Variants in APBB1 observed in about 807,000 individuals in gnomAD.
The protein encoded by APBB1 is amyloid beta precursor protein binding family B member 1.
Under a neutral mutation model 78.4 loss-of-function variants are expected in APBB1, and 22 were observed. The ratio of observed to expected loss-of-function variants is 0.28; its 90% CI spans 0.20 to 0.40. The LOEUF (loss-of-function observed/expected upper bound fraction) is 0.40, where lower values mean the gene tolerates loss of function less well. Among genes scored for constraint, APBB1 ranks in the 10% least tolerant of loss-of-function variants. APBB1 has a pLI of 1.00. For missense variants in APBB1, 749 were observed against 932.4 expected (o/e 0.80, Z 2.56); for synonymous variants, 369 against 372.7 (o/e 0.99, Z 0.12).
At chr11:6,406,736 C>A (rs1198368784) in intron 2 of APBB1, among the ~76,000 whole-genome samples, 2 of 152,120 alleles carry the variant, frequency 1.3e-5, no homozygotes, top group Non-Finnish European at 2.9e-5. Flanking sequence ...TATCACCTAC[C>A]TCTCCTTCAG....
At chr11:6,419,265 C>T (rs1326228632), upstream of APBB1, 1 of 286,074 alleles carries the variant, frequency 3.5e-6, no homozygotes, top group Non-Finnish European at 6.5e-6. Context: ...TCCAGCCCTC[C>T]CAGCAGACAC....
Position 6,411,735 on chromosome 11 carries a change from C to T in APBB1, c.-14-374G>A, listed in dbSNP as rs1168641152. ...TGCCAGGAACACCACTAGAGTGGGA[C>T]CGGCTCGTGTGTTTTGGACACTGAT... On this transcript the variant is annotated intron_variant, in intron 1 of 14. Coordinates refer to ENST00000609360, the MANE Select transcript of APBB1 (RefSeq NM_001164.5). This position sits in a 1 kb window ranked among gnomAD's most constrained non-coding sequence, Gnocchi z 5.2. 2.0e-5 allele frequency among the ~76,000 whole-genome samples: 3 copies of T among 152,202 alleles called. No homozygotes were observed. Among genetic ancestry groups the T allele is most frequent in the African/African-American group, 7.2e-5 (3 of 41,462 alleles).
intron 12 of APBB1, among the ~76,000 whole-genome samples, chr11:6,396,984 A>G (rs572552701): frequency 2.6e-5 from 4 of 152,370 alleles, no homozygotes; most frequent in South Asian, 2.1e-4. Flanking sequence ...AGATCAATCA[A>G]CTTTCCCTTA....
At chr11:6,404,708 C>T in intron 2 of APBB1, 1 of 1,536,150 alleles carries the variant, frequency 6.5e-7, no homozygotes, top group Non-Finnish European at 8.7e-7. Context: ...CTGTCAGCCC[C>T]ACCCCACATG....
At chr11:6,417,340 A>C (rs755191863) in intron 1 of APBB1, among the ~76,000 whole-genome samples, 1 of 152,142 alleles carries the variant, frequency 6.6e-6, no homozygotes, top group Non-Finnish European at 1.5e-5. Flanking sequence ...CCCCGAGACC[A>C]GTTTAGCTAC....
chr11:6,401,189 T>C lies in APBB1; in HGVS notation c.1589-117A>G. 1 of 1,611,900 alleles carries C rather than the reference T, an allele frequency of 6.2e-7. No homozygotes were observed. The highest frequency in any genetic ancestry group is 8.5e-7 in the Non-Finnish European group (1 of 1,178,856). ...GAGGCCCTACTTTCATCTCGTCCCC[T>C]GCCTCCCTTTAACCGGAGTCCCTCC... On this transcript the variant is annotated intron_variant, in intron 11 of 14. Transcript: ENST00000609360. This position sits in a 1 kb window ranked among gnomAD's most constrained non-coding sequence, Gnocchi z 4.5.
rs1468696244 is a variant in APBB1, at chr11:6,419,090, G to A, written c.-120C>T. On this transcript the variant is annotated 5_prime_UTR_variant, in exon 1 of 15. Coordinates refer to ENST00000609360, the MANE Select transcript of APBB1 (RefSeq NM_001164.5). ...CAACATCCCCCGCCCAGGAGCGCGC[G>A]GGCCGCGGGGCCGCGCCCCGAGCGG... The A allele has an allele frequency of 1.0e-5, 4 of 383,048 alleles. No individual in the cohort carries two copies. The highest frequency in any genetic ancestry group is 1.9e-5 in the Non-Finnish European group (4 of 216,102). The allele number at this position is 383,048 out of a possible 1,614,324, so 23.7% of individuals were successfully genotyped here.
Position 6,410,948 on chromosome 11 carries a change from C to T in APBB1, c.400G>A (p.Gly134Arg). Residue 134 changes from glycine (G) to arginine (R), a missense_variant, in exon 2 of 15, where the codon GGA becomes AGA. By Grantham distance (125) the Gly-to-Arg change is moderately radical. Transcript: ENST00000609360. ...AHNAANRGLR[G>R]PGLIISTQEQ... is the part of the protein sequence containing the mutation. Reference sequence around the variant, plus strand: ...TGAGTGCTGATGATCAGGCCAGGTCCTCGTAGGCCTCGGTTGGCTGCGTTG... The same window carrying T: ...TGAGTGCTGATGATCAGGCCAGGTCTTCGTAGGCCTCGGTTGGCTGCGTTG... The T allele has an allele frequency of 3.1e-6, 5 of 1,614,198 alleles. No homozygotes were observed. Among genetic ancestry groups the T allele is most frequent in the Non-Finnish European group, 4.2e-6 (5 of 1,180,044 alleles).
upstream of APBB1, chr11:6,419,097 G>C (rs1432133718): frequency 5.2e-6 from 2 of 382,454 alleles, no homozygotes; most frequent in Middle Eastern, 6.7e-4. Context: ...CGCGGGCCGC[G>C]GGGCCGCGCC....
At chr11:6,418,802 A>G (rs1223942057) in intron 1 of APBB1, among the ~76,000 whole-genome samples, 183 bp downstream of exon 1, 2 of 152,084 alleles carry the variant, frequency 1.3e-5, no homozygotes, top group East Asian at 1.9e-4. Flanking sequence ...GCCCGAGTGG[A>G]CCCTGCGATG....
intron 12 of APBB1, among the ~76,000 whole-genome samples, chr11:6,397,322 C>T (rs886500673): frequency 6.6e-6 from 1 of 152,264 alleles, no homozygotes; most frequent in Non-Finnish European, 1.5e-5. Context: ...CCTTGCTCAT[C>T]TGACTTCTAG....
Position 6,402,643 on chromosome 11 carries a change from T to C in APBB1, c.1187A>G (p.Asn396Ser), listed in dbSNP as rs1800425. The change falls in exon 7 of 15, where the codon AAT becomes AGT. Residue 396 changes from asparagine (N) to serine (S), a missense_variant. Transcript: ENST00000609360. ...APGRSSVAVN[N>S]CIRQLSYHKN... ...GTGGTAAGAGAGCTGACGGATGCAA[T>C]TGTTGACTGCCACACTGCTGCGTCC... The C allele has an allele frequency of 2.5e-3, 4,036 of 1,613,850 alleles. 7 individuals are homozygous for C. The highest frequency in any genetic ancestry group is 3.3e-3 in the Non-Finnish European group (3,855 of 1,179,972).
At position 6,416,052 on chromosome 11, in the gene APBB1, C is replaced by T. The variant is rs144948986; in HGVS notation, c.-15+2933G>A. 9.8e-5 allele frequency among the ~76,000 whole-genome samples: 15 copies of T among 152,304 alleles called. No homozygotes were observed. In the East Asian group the frequency reaches 2.9e-3, roughly 29 times the overall value. On this transcript the variant is annotated intron_variant, in intron 1 of 14. Coordinates refer to ENST00000609360, the MANE Select transcript of APBB1 (RefSeq NM_001164.5). ...TTCCACTCCCAACACGACTCAGTAA[C>T]AGCTCCTACCAAGGTCAACATGACC...
chr11:6,396,270 C>T lies in APBB1; in HGVS notation c.1673-55G>A. ...AGGGTAGACAGAGGATACCCCAGCT[C>T]TACCCTGGACCTCTAGTTCCACCCA... On this transcript the variant is annotated intron_variant, in intron 12 of 14. Coordinates refer to ENST00000609360, the MANE Select transcript of APBB1 (RefSeq NM_001164.5). 4 of 1,434,210 alleles carry T rather than the reference C, an allele frequency of 2.8e-6. No individual in the cohort carries two copies. The Admixed American group carries it at 9.0e-5, about 32-fold the overall frequency. The allele number at this position is 1,434,210 out of a possible 1,614,324, so 88.8% of individuals were successfully genotyped here. A position where few individuals can be genotyped will look rare whatever the true frequency, so the allele number is the denominator to read the frequency against.
chr11:6,405,201 G>T (rs1430691289), intron 2 of APBB1: 5 of 1,103,482 alleles, frequency 4.5e-6, no homozygotes, highest in Non-Finnish European at 5.5e-6. Context: ...TACCCCAGCT[G>T]CCTGGGGCCC....
chr11:6,404,865 G>A, intron 2 of APBB1: 2 of 1,528,476 alleles, frequency 1.3e-6, no homozygotes, highest in Middle Eastern at 2.0e-4. Context: ...AGCCAGCTGG[G>A]CTCACAGCCT....
Position 6,401,914 on chromosome 11 carries a change from G to T in APBB1, c.1388+63C>A. On this transcript the variant is annotated intron_variant, in intron 9 of 14. Coordinates refer to ENST00000609360, the MANE Select transcript of APBB1 (RefSeq NM_001164.5). The surrounding 1 kb of genome is among the most constrained non-coding windows in gnomAD (Gnocchi z 4.5). ...GGGTGGGAAGGGGCAGGGCAGAAGA[G>T]GGGAGCTTGGGTGCTTCCAGGCATC... 1.3e-6 allele frequency: 2 copies of T among 1,550,582 alleles called. No homozygotes were observed. The highest frequency in any genetic ancestry group is 3.5e-5 in the Admixed American group (2 of 56,602).
rs746870513 is a variant in APBB1 at position 6,401,359 on chromosome 11, T to A, written c.1574A>T (p.Asp525Val). Residue 525 changes from aspartate to valine, a missense_variant, in exon 11 of 15, where the codon GAT (aspartate) becomes GTT (valine). Transcript: ENST00000609360. The surrounding 1 kb of genome is among the most constrained non-coding windows in gnomAD (Gnocchi z 4.5). ...TTGACACTGACCTTGGAAAGGGACA[T>A]CCACAAGTTTAGAGTGGTCCAGGGA... ...GLSLDHSKLV[D>V]VPFQVEFPAP... 1.9e-6 allele frequency: 3 copies of A among 1,614,014 alleles called. No individual in the cohort carries two copies. In the East Asian group the frequency reaches 6.7e-5, roughly 36 times the overall value.
chr11:6,404,484 C>T, intron 2 of APBB1: 1 of 1,206,270 alleles, frequency 8.3e-7, no homozygotes, highest in Non-Finnish European at 1.2e-6. Context: ...ACAGGCGGAC[C>T]CACACTCAGA....
Sources: gnomAD v4.1 joint callset for allele counts (sites outside exome capture counted in the v4.1 genomes callset) on GRCh38, gnomAD v4.1.1 for gene constraint, Gnocchi (gnomAD v3.1) non-coding constraint, MANE v1.5 for transcripts, NCBI Gene and HGNC (gene_info 2026-07-23, HGNC 2026-07-21) for gene names.